Variants in CSMD2 observed in about 807,000 individuals in gnomAD.
CSMD2 encodes the protein CUB and Sushi multiple domains 2.
A neutral mutation model predicts 398.5 loss-of-function variants in CSMD2; 130 were observed. The observed-to-expected ratio is 0.33, with a 90% CI of 0.28 to 0.38. CSMD2 has a LOEUF of 0.38. Among genes scored for constraint, CSMD2 ranks in the 10% least tolerant of loss-of-function variants. CSMD2 has a pLI of 1.00. For missense variants in CSMD2, 3,829 were observed against 4,764.9 expected (o/e 0.80, Z 5.78); for synonymous variants, 1,828 against 1,908.5 (o/e 0.96, Z 1.10).
At chr1:33,598,249 T>G (rs1050024189) in intron 44 of CSMD2, among the ~76,000 whole-genome samples, 1 of 152,230 alleles carries the variant, frequency 6.6e-6, no homozygotes, top group Non-Finnish European at 1.5e-5. Context: ...CATTTTTATA[T>G]GTAGGATATA....
At chr1:33,984,015 G>C (rs539207784) in intron 3 of CSMD2, among the ~76,000 whole-genome samples, 1 of 152,112 alleles carries the variant, frequency 6.6e-6, no homozygotes, top group Non-Finnish European at 1.5e-5. Flanking sequence ...TTAGCTAGGC[G>C]TGGTGGCGCA....
intron 1 of CSMD2, among the ~76,000 whole-genome samples, chr1:34,098,565 G>C (rs1255628177): frequency 1.3e-5 from 2 of 152,082 alleles, no homozygotes; most frequent in Admixed American, 6.6e-5. Context: ...TGAAAATAGT[G>C]TGGGGGTGGT....
At chr1:34,119,638 T>C (rs1661966865) in intron 1 of CSMD2, among the ~76,000 whole-genome samples, 1 of 152,132 alleles carries the variant, frequency 6.6e-6, no homozygotes, top group African/African-American at 2.4e-5. Context: ...CCAAAGAAGA[T>C]AGACAAATGG....
rs188346078 is a variant in CSMD2 at position 33,728,745 on chromosome 1, C to T, written c.2369-2060G>A. 2.7e-3 allele frequency among the ~76,000 whole-genome samples: 416 copies of T among 152,310 alleles called. 1 individual carries two copies. The highest frequency in any genetic ancestry group is 9.7e-3 in the African/African-American group (402 of 41,574). The stretch of plus-strand genomic sequence containing the variant: ...GTGTCAGGGCTTAATGTGGATTATC[C>T]TTGTGACAATGGCAACACTAAATGG... On this transcript the variant is annotated intron_variant, in intron 15 of 70. Coordinates refer to ENST00000373381, the MANE Select transcript of CSMD2 (RefSeq NM_001281956.2).
intron 13 of CSMD2, among the ~76,000 whole-genome samples, chr1:33,757,126 G>C (rs1345032409): frequency 2.7e-5 from 4 of 150,818 alleles, no homozygotes; most frequent in South Asian, 2.1e-4. Flanking sequence ...GTGGACACAG[G>C]AAGGGGAACA....
intron 29 of CSMD2, among the ~76,000 whole-genome samples, chr1:33,639,870 C>T (rs1015480561): frequency 6.6e-6 from 1 of 152,202 alleles, no homozygotes; most frequent in African/African-American, 2.4e-5. Flanking sequence ...AAGGCACTTT[C>T]CAAGCCGTTA....
intron 36 of CSMD2, among the ~76,000 whole-genome samples, chr1:33,622,777 TTCC>T (rs2148877049): frequency 6.6e-6 from 1 of 152,308 alleles, no homozygotes; most frequent in Non-Finnish European, 1.5e-5. Flanking sequence ...AAACAGGAAG[TTCC>T]TCCAAAAGTT....
chr1:33,969,102 T>C (rs61769938), intron 3 of CSMD2, among the ~76,000 whole-genome samples: 7,973 of 152,040 alleles, frequency 0.052, 310 homozygotes, highest in East Asian at 0.18. Flanking sequence ...AGTGAGATCA[T>C]AGGAGAAAGA....
chr1:33,975,385 G>C (rs139523829), intron 3 of CSMD2, among the ~76,000 whole-genome samples: 11 of 151,968 alleles, frequency 7.2e-5, no homozygotes, highest in Middle Eastern at 3.4e-3. Flanking sequence ...CCAGTGCCTG[G>C]AACAGTATCA....
At chr1:33,963,633 G>T (rs1302159195) in intron 3 of CSMD2, among the ~76,000 whole-genome samples, 1 of 152,040 alleles carries the variant, frequency 6.6e-6, no homozygotes, top group African/African-American at 2.4e-5. Flanking sequence ...AGTTTAAAAT[G>T]TCCAGAATTT....
At chr1:33,715,815 A>T (rs1646147023) in intron 20 of CSMD2, among the ~76,000 whole-genome samples, 1 of 152,178 alleles carries the variant, frequency 6.6e-6, no homozygotes, top group Non-Finnish European at 1.5e-5. Flanking sequence ...CAAATCCCTA[A>T]ACAGAGAGAT....
intron 52 of CSMD2, 126 bp from the exon 53 acceptor site, chr1:33,567,967 A>C: frequency 8.6e-7 from 1 of 1,158,872 alleles, no homozygotes; most frequent in Non-Finnish European, 1.2e-6. Context: ...AATAGTGTTG[A>C]GGACTTGGCA....
intron 1 of CSMD2, among the ~76,000 whole-genome samples, chr1:34,131,834 C>T (rs1200407640): frequency 2.6e-5 from 4 of 152,158 alleles, no homozygotes; most frequent in Non-Finnish European, 5.9e-5. Flanking sequence ...ACAAGCTCAC[C>T]TCTCAGCCCA....
At chr1:33,625,562 C>T (rs1642068338) in intron 33 of CSMD2, among the ~76,000 whole-genome samples, 1 of 152,176 alleles carries the variant, frequency 6.6e-6, no homozygotes, top group African/African-American at 2.4e-5. Context: ...CAGGGTCCCA[C>T]GTTCCCTAGC....
In CSMD2 at chr1:33,567,731, C is replaced by T. The variant is rs752733907; in HGVS notation, c.8242G>A (p.Gly2748Arg). ...CTGTAGTTCTCCCCATTGATGTGTC[C>T]GTTGACAATGGGCTCAGGAGTCCCA... ...HCGTPEPIVN[G>R]HINGENYSYR... Residue 2748 changes from glycine (G) to arginine (R), a missense_variant, in exon 53 of 71, where the codon GGA (glycine) becomes AGA (arginine). Gly to Arg is a moderately radical substitution (Grantham distance 125). This residue lies in a region of CSMD2 where 917 missense variants were observed against 1,199.5 expected (regional missense o/e 0.76). Coordinates refer to ENST00000373381, the MANE Select transcript of CSMD2 (RefSeq NM_001281956.2). 2 of 1,614,054 alleles carry T rather than the reference C, an allele frequency of 1.2e-6. No individual in the cohort carries two copies. The highest frequency in any genetic ancestry group is 8.5e-7 in the Non-Finnish European group (1 of 1,180,006).
chr1:33,901,275 T>C (rs1642740460), intron 5 of CSMD2, among the ~76,000 whole-genome samples: 1 of 152,214 alleles, frequency 6.6e-6, no homozygotes, highest in African/African-American at 2.4e-5. Context: ...CCAAGTGCCA[T>C]ATGCTTTTCC....
intron 55 of CSMD2, among the ~76,000 whole-genome samples, chr1:33,551,344 G>T (rs776515305): frequency 6.6e-6 from 1 of 152,196 alleles, no homozygotes; most frequent in Admixed American, 6.5e-5. Context: ...TTATATGATC[G>T]GATTTACATT....
At chr1:33,800,960 CTGAA>C (rs1186380767) in intron 10 of CSMD2, among the ~76,000 whole-genome samples, 2 of 148,844 alleles carry the variant, frequency 1.3e-5, no homozygotes, top group Non-Finnish European at 3.0e-5. Context: ...TAAATGTTTG[CTGAA>C]TGAATAAGTG....
At chr1:33,583,317 T>C (rs1290636940) in intron 47 of CSMD2, among the ~76,000 whole-genome samples, 1 of 152,206 alleles carries the variant, frequency 6.6e-6, no homozygotes, top group Non-Finnish European at 1.5e-5. Flanking sequence ...GTTTGGTAGA[T>C]CTCTGGGTTT....
Sources: gnomAD v4.1 joint callset for allele counts (sites outside exome capture counted in the v4.1 genomes callset) on GRCh38, gnomAD v4.1.1 for gene constraint, gnomAD v4.1.1 regional missense constraint, MANE v1.5 for transcripts, NCBI Gene and HGNC (gene_info 2026-07-23, HGNC 2026-07-21) for gene names.